Variants in ARFGEF3 observed in about 807,000 individuals in gnomAD.
ARFGEF3 encodes brefeldin A-inhibited guanine nucleotide-exchange protein 3.
A neutral mutation model predicts 221.7 loss-of-function variants in ARFGEF3; 96 were observed. The ratio of observed to expected loss-of-function variants is 0.43; its 90% CI spans 0.37 to 0.51. The LOEUF (loss-of-function observed/expected upper bound fraction) is 0.51, where lower values mean the gene tolerates loss of function less well. ARFGEF3 is among the 20% of genes least tolerant of loss of function. The pLI, the probability that ARFGEF3 is intolerant of heterozygous loss-of-function variation, is 0.00. For synonymous variants in ARFGEF3, 1,145 were observed against 1,126.8 expected, an observed-to-expected ratio of 1.02 and a Z score of -0.32; for missense variants, 2,410 against 2,789.9, an observed-to-expected ratio of 0.86 and a Z score of 3.07.
chr6:138,170,407 G>A (rs1263017216), intron 1 of ARFGEF3, among the ~76,000 whole-genome samples: 4 of 151,986 alleles, frequency 2.6e-5, no homozygotes, highest in Non-Finnish European at 5.9e-5. Flanking sequence ...TTAACTATTC[G>A]TTCTTTATCT....
intron 10 of ARFGEF3, among the ~76,000 whole-genome samples, chr6:138,257,589 C>A (rs895899185): frequency 6.6e-6 from 1 of 152,184 alleles, no homozygotes; most frequent in African/African-American, 2.4e-5. Context: ...AGAAAAGGTG[C>A]AAACCCTGGT....
chr6:138,205,708 T>G (rs1395368506), intron 2 of ARFGEF3, among the ~76,000 whole-genome samples: 2 of 152,218 alleles, frequency 1.3e-5, no homozygotes, highest in African/African-American at 4.8e-5. Context: ...AAAGGATGAA[T>G]CTAATGAAAA....
intron 29 of ARFGEF3, among the ~76,000 whole-genome samples, chr6:138,322,492 G>T (rs114526057): frequency 6.6e-6 from 1 of 152,098 alleles, no homozygotes; most frequent in Non-Finnish European, 1.5e-5. Context: ...TAAAGGAAAT[G>T]TGGTACATAC....
intron 2 of ARFGEF3, among the ~76,000 whole-genome samples, chr6:138,202,884 A>G (rs1777562388): frequency 6.6e-6 from 1 of 151,980 alleles, no homozygotes; most frequent in Non-Finnish European, 1.5e-5. Flanking sequence ...ACCTACACAC[A>G]CACACACATG....
Position 138,317,300 on chromosome 6 carries a change from G to T in ARFGEF3, c.4395G>T (p.Val1465=), listed in dbSNP as rs750726535. The T allele has an allele frequency of 6.2e-7, 1 of 1,613,972 alleles. No individual in the cohort carries two copies. The change falls in exon 27 of 34, where the codon GTG becomes GTT. Residue 1465 remains valine, a synonymous_variant. Transcript: ENST00000251691. ...TGCTGGAGCAGCTGACAGCGGCTGTGTCCAATTGTCCACGGCAGCACCAAC... is the reference window on the plus strand; with the variant it reads ...TGCTGGAGCAGCTGACAGCGGCTGTTTCCAATTGTCCACGGCAGCACCAAC... The part of the protein sequence containing the change: ...IILLEQLTAA[V]SNCPRQHQPP...
chr6:138,343,628 A>G lies in ARFGEF3; in HGVS notation c.*7142A>G, dbSNP rs1435940852. The G allele has an allele frequency of 6.6e-6, 1 of 152,182 alleles. No homozygotes were observed. The highest frequency in any genetic ancestry group is 2.4e-5 in the African/African-American group (1 of 41,444). The allele number at this position is 152,182 out of a possible 1,614,324, so 9.4% of individuals were successfully genotyped here. A position where few individuals can be genotyped will look rare whatever the true frequency, so the allele number is the denominator to read the frequency against. On this transcript the variant is annotated 3_prime_UTR_variant, in exon 34 of 34. Coordinates refer to ENST00000251691, the MANE Select transcript of ARFGEF3 (RefSeq NM_020340.5). ...GCCAAAAAGGAGAGGAGGGAATCCA[A>G]AAGCCAATCTTTTGAACCAATGTGT...
chr6:138,324,665 T>G (rs1780097415), intron 31 of ARFGEF3, among the ~76,000 whole-genome samples: 1 of 152,252 alleles, frequency 6.6e-6, no homozygotes, highest in Admixed American at 6.5e-5. Flanking sequence ...TTGAGACACG[T>G]GTAAGAAGTC....
At chr6:138,324,259 A>T in intron 31 of ARFGEF3, 105 bp downstream of exon 31, 1 of 1,352,150 alleles carries the variant, frequency 7.4e-7, no homozygotes, top group Non-Finnish European at 1.0e-6. Flanking sequence ...TCATTCCCTG[A>T]GGGACATACA....
At chr6:138,179,937 G>A (rs1777045288) in intron 2 of ARFGEF3, among the ~76,000 whole-genome samples, 1 of 152,130 alleles carries the variant, frequency 6.6e-6, no homozygotes, top group Non-Finnish European at 1.5e-5. Flanking sequence ...AGCCTCCCAA[G>A]TAGCTAGGAC....
intron 8 of ARFGEF3, among the ~76,000 whole-genome samples, chr6:138,248,307 G>T (rs1052759156): frequency 1.3e-5 from 2 of 152,146 alleles, no homozygotes; most frequent in South Asian, 4.1e-4. Flanking sequence ...GAACTTGTTT[G>T]TGTTCACCAG....
Position 138,253,962 on chromosome 6 carries a change from A to T in ARFGEF3, c.748A>T (p.Arg250Trp), listed in dbSNP as rs1457229732. The T allele has an allele frequency of 6.3e-7, 1 of 1,593,346 alleles. No homozygotes were observed. The highest frequency in any genetic ancestry group is 8.5e-7 in the Non-Finnish European group (1 of 1,170,610). The change falls in exon 9 of 34, where the codon AGG (arginine) becomes TGG (tryptophan). Residue 250 changes from arginine (R) to tryptophan (W), a missense_variant. Transcript: ENST00000251691. The stretch of plus-strand genomic sequence containing the variant: ...CTCCTCCTCCTCCATGCACCTGCAC[A>T]GGCGCTTCACGGACCTGATCTGGTG... ...SSSSSSMHLH[R>W]RFTDLIWKNL...
intron 8 of ARFGEF3, among the ~76,000 whole-genome samples, chr6:138,249,662 A>G (rs553989805): frequency 9.2e-5 from 14 of 152,252 alleles, no homozygotes; most frequent in African/African-American, 2.9e-4. Flanking sequence ...TCATGTGCAT[A>G]TGTTTCTAGG....
At chr6:138,194,149 T>C (rs1282771180) in intron 2 of ARFGEF3, among the ~76,000 whole-genome samples, 1 of 151,558 alleles carries the variant, frequency 6.6e-6, no homozygotes, top group Admixed American at 6.6e-5. Context: ...GCGCCTGTAA[T>C]CCCAGCTACT....
chr6:138,247,724 T>C (rs191916086), intron 8 of ARFGEF3, among the ~76,000 whole-genome samples: 40 of 152,300 alleles, frequency 2.6e-4, no homozygotes, highest in African/African-American at 9.4e-4. Context: ...ATAAAATAAT[T>C]AATAGACTAT....
At chr6:138,271,645 G>A (rs1760726480) in intron 12 of ARFGEF3, among the ~76,000 whole-genome samples, 2 of 152,224 alleles carry the variant, frequency 1.3e-5, no homozygotes, top group Admixed American at 1.3e-4. Context: ...ACCAGCATAT[G>A]AACCTGGCTC....
At chr6:138,202,875 C>T (rs1553768) in intron 2 of ARFGEF3, among the ~76,000 whole-genome samples, 11,141 of 151,812 alleles carry the variant, frequency 0.073, 795 homozygotes, top group East Asian at 0.37. Flanking sequence ...TACACATACA[C>T]CTACACACAC....
chr6:138,250,154 T>C (rs1778554455), intron 8 of ARFGEF3, among the ~76,000 whole-genome samples: 1 of 152,220 alleles, frequency 6.6e-6, no homozygotes. Context: ...CCAAAATCAG[T>C]GCCTCTTAGG....
chr6:138,328,337 G>A (rs924211983), intron 32 of ARFGEF3, among the ~76,000 whole-genome samples, 195 bp downstream of exon 32: 1 of 152,104 alleles, frequency 6.6e-6, no homozygotes, highest in Non-Finnish European at 1.5e-5. Context: ...AGGTTATCCG[G>A]GCTGCCACAG....
rs1426924268 is a variant in ARFGEF3 at position 138,162,391 on chromosome 6, T to G, written c.85+220T>G. On this transcript the variant is annotated intron_variant, in intron 1 of 33. Coordinates refer to ENST00000251691, the MANE Select transcript of ARFGEF3 (RefSeq NM_020340.5). The surrounding 1 kb of genome is among the most constrained non-coding windows in gnomAD (Gnocchi z 4.7). ...TCTCTTTCACTCTCCGAAACCTTCC[T>G]CGGGAACCGCTGTCCTCCCTGCCTG... Among the ~76,000 whole-genome samples, 1 of 152,158 alleles carries G rather than the reference T, an allele frequency of 6.6e-6. No homozygotes were observed. The highest frequency in any genetic ancestry group is 1.9e-4 in the East Asian group (1 of 5,174).
Sources: allele counts gnomAD v4.1 joint callset (sites outside exome capture counted in the v4.1 genomes callset), GRCh38; gene constraint gnomAD v4.1.1; non-coding constraint Gnocchi (gnomAD v3.1); transcripts MANE v1.5; gene names NCBI Gene and HGNC (gene_info 2026-07-23, HGNC 2026-07-21).